PXDNL: variants seen among roughly 807,000 people sequenced by gnomAD.
The protein encoded by PXDNL is peroxidasin like, also known as probable oxidoreductase PXDNL.
PXDNL carries 145 observed loss-of-function variants against 150.8 expected under a neutral mutation model. The observed-to-expected ratio is 0.96, with a 90% CI of 0.84 to 1.10. The LOEUF is 1.10. Ranked by LOEUF, PXDNL falls within the 50% of genes least tolerant of loss-of-function variation. The pLI, the probability that PXDNL is intolerant of heterozygous loss-of-function variation, is 0.00. For missense variants in PXDNL, 2,087 were observed against 1,873.9 expected, an observed-to-expected ratio of 1.11 and a Z score of -2.10; for synonymous variants, 757 against 725.7, an observed-to-expected ratio of 1.04 and a Z score of -0.69.
chr8:51,504,177 C>A lies in PXDNL; in HGVS notation c.381-4407G>T, dbSNP rs1025419580. Among the ~76,000 whole-genome samples the A allele has an allele frequency of 2.0e-5, 3 of 152,154 alleles. No individual in the cohort carries two copies. In the East Asian group the frequency reaches 5.8e-4, roughly 29 times the overall value. ...TACTTCCACACTAGAGCAAACTATA[C>A]CCTCGGTTACTAAAATACAAGAACA... On this transcript the variant is annotated intron_variant, in intron 4 of 22. Coordinates refer to ENST00000356297, the MANE Select transcript of PXDNL (RefSeq NM_144651.5).
chr8:51,471,772 C>T (rs1166260976), intron 8 of PXDNL, among the ~76,000 whole-genome samples: 2 of 151,582 alleles, frequency 1.3e-5, no homozygotes, highest in East Asian at 1.9e-4. Context: ...CTGCAAGCTC[C>T]GCCTCCCGGG....
At chr8:51,396,228 G>C (rs16916187) in intron 17 of PXDNL, among the ~76,000 whole-genome samples, 17,237 of 152,222 alleles carry the variant, frequency 0.11, 1,173 homozygotes, top group East Asian at 0.3. Flanking sequence ...TGGATGGATG[G>C]CTAAACTGAG....
At chr8:51,676,778 A>G (rs1345835233) in intron 1 of PXDNL, among the ~76,000 whole-genome samples, 1 of 152,222 alleles carries the variant, frequency 6.6e-6, no homozygotes, top group African/African-American at 2.4e-5. Context: ...TTTTCTCATC[A>G]CTATGTATTA....
chr8:51,506,048 G>A (rs1197248322), intron 4 of PXDNL, among the ~76,000 whole-genome samples: 3 of 152,154 alleles, frequency 2.0e-5, no homozygotes, highest in Admixed American at 2.0e-4. Context: ...AAAATTGACT[G>A]AATTATCATA....
At position 51,522,582 on chromosome 8, in the gene PXDNL, G is replaced by T. The variant is rs112706597; in HGVS notation, c.381-22812C>A. 2.0e-5 allele frequency among the ~76,000 whole-genome samples: 3 copies of T among 152,222 alleles called. No homozygotes were observed. In the South Asian group the frequency reaches 6.2e-4, roughly 32 times the overall value. ...ATGTAAGGCCGGGGCGGTGGCTCTCGCCTGTAATCCCAGCACTTTGGGGGG... is the reference window on the plus strand; with the variant it reads ...ATGTAAGGCCGGGGCGGTGGCTCTCTCCTGTAATCCCAGCACTTTGGGGGG... On this transcript the variant is annotated intron_variant, in intron 4 of 22. Coordinates refer to ENST00000356297, the MANE Select transcript of PXDNL (RefSeq NM_144651.5).
intron 4 of PXDNL, among the ~76,000 whole-genome samples, chr8:51,506,489 C>T (rs936160815): frequency 2.1e-5 from 3 of 143,280 alleles, no homozygotes; most frequent in East Asian, 4.2e-4. Flanking sequence ...TGCAGTGAGC[C>T]GAGATCGCAC....
intron 21 of PXDNL, 133 bp downstream of exon 21, chr8:51,339,491 A>G: frequency 1.1e-6 from 1 of 874,110 alleles, no homozygotes. Flanking sequence ...AAAAAAAAGC[A>G]ATACAACTCC....
chr8:51,472,235 C>A lies in PXDNL; in HGVS notation c.764G>T (p.Cys255Phe). 6.2e-7 allele frequency: 1 copy of A among 1,613,684 alleles called. No individual in the cohort carries two copies. The highest frequency in any genetic ancestry group is 8.5e-7 in the Non-Finnish European group (1 of 1,179,700). Residue 255 changes from cysteine (C) to phenylalanine (F), a missense_variant, in exon 8 of 23, where the codon TGC (cysteine) becomes TTC (phenylalanine). Transcript: ENST00000356297. ...VPSGNTVYFT[C>F]RAEGNPKPEI... Reference sequence around the variant, plus strand: ...AGGTTTGGGGTTTCCTTCCGCCCGGCAGGTGAAGTAGACGGTATTTCCTGA... The same window carrying A: ...AGGTTTGGGGTTTCCTTCCGCCCGGAAGGTGAAGTAGACGGTATTTCCTGA...
intron 17 of PXDNL, among the ~76,000 whole-genome samples, chr8:51,379,494 GTATT>G (rs138471368): frequency 0.012 from 1,795 of 151,754 alleles, 39 homozygotes; most frequent in African/African-American, 0.041. Context: ...ACTGAAATGT[GTATT>G]TATACTTTTT....
At chr8:51,542,500 A>C (rs1812239772) in intron 4 of PXDNL, among the ~76,000 whole-genome samples, 5 of 151,162 alleles carry the variant, frequency 3.3e-5, no homozygotes, top group Admixed American at 3.3e-4. Flanking sequence ...CCTTATAAAA[A>C]AAAAAAAAAA....
At chr8:51,730,205 G>A (rs1389948197) in intron 1 of PXDNL, among the ~76,000 whole-genome samples, 1 of 29,010 alleles carries the variant, frequency 3.4e-5, no homozygotes, top group Admixed American at 4.8e-4. Context: ...GCTTACAGGA[G>A]CAAGATGGCA....
intron 1 of PXDNL, among the ~76,000 whole-genome samples, chr8:51,772,184 GTCTC>G (rs139453513): frequency 4.7e-5 from 7 of 147,940 alleles, no homozygotes; most frequent in Admixed American, 6.7e-5. Context: ...CTGGCTCTGG[GTCTC>G]TCTCTCTCTC....
intron 4 of PXDNL, among the ~76,000 whole-genome samples, chr8:51,551,287 C>A (rs1370856160): frequency 2.0e-5 from 3 of 151,964 alleles, no homozygotes; most frequent in Non-Finnish European, 4.4e-5. Flanking sequence ...CAATTTCCAC[C>A]AAAATATCAC....
intron 19 of PXDNL, 78 bp downstream of exon 19, chr8:51,371,795 A>G (rs1807123049): frequency 7.9e-7 from 1 of 1,266,662 alleles, no homozygotes; most frequent in Non-Finnish European, 1.1e-6. Context: ...TAAATCGCAT[A>G]ATCTTTACCA....
chr8:51,721,222 A>G (rs1179834858), intron 1 of PXDNL, among the ~76,000 whole-genome samples: 2 of 152,236 alleles, frequency 1.3e-5, no homozygotes, highest in Non-Finnish European at 2.9e-5. Context: ...CACGAAAACT[A>G]AAACACTCTT....
chr8:51,530,382 G>A (rs7017007), intron 4 of PXDNL, among the ~76,000 whole-genome samples: 6 of 151,838 alleles, frequency 4.0e-5, no homozygotes, highest in Non-Finnish European at 7.4e-5. Flanking sequence ...ACAGTTCTCC[G>A]CTGCTCCTCC....
At chr8:51,375,979 G>A (rs1226336152) in intron 17 of PXDNL, among the ~76,000 whole-genome samples, 2 of 152,234 alleles carry the variant, frequency 1.3e-5, no homozygotes, top group Non-Finnish European at 2.9e-5. Context: ...CTTGGCTGTG[G>A]TTTGCAGATC....
intron 3 of PXDNL, among the ~76,000 whole-genome samples, chr8:51,591,832 A>G (rs1290620248): frequency 6.6e-6 from 1 of 152,140 alleles, no homozygotes; most frequent in Non-Finnish European, 1.5e-5. Flanking sequence ...GTTAACCAGG[A>G]TGGTCTCCAT....
At chr8:51,741,767 A>T (rs1332141067) in intron 1 of PXDNL, among the ~76,000 whole-genome samples, 1 of 152,230 alleles carries the variant, frequency 6.6e-6, no homozygotes, top group African/African-American at 2.4e-5. Flanking sequence ...GATGCGGGTG[A>T]ACTGATTACT....
Sources: allele counts gnomAD v4.1 joint callset (sites outside exome capture counted in the v4.1 genomes callset), GRCh38; gene constraint gnomAD v4.1.1; transcripts MANE v1.5; gene names NCBI Gene and HGNC (gene_info 2026-07-23, HGNC 2026-07-21).